The following LRRC4C variants were observed in gnomAD, a reference collection of about 807,000 sequenced individuals.
LRRC4C encodes the protein leucine rich repeat containing 4C.
A neutral mutation model predicts 33.6 loss-of-function variants in LRRC4C; 5 were observed. The ratio of observed to expected loss-of-function variants is 0.15; its 90% CI spans 0.08 to 0.31. LRRC4C has a LOEUF of 0.31. LRRC4C is among the 10% of genes least tolerant of loss of function. The pLI is 1.00. For missense variants in LRRC4C, 560 were observed against 796.7 expected (o/e 0.70, Z 3.58); for synonymous variants, 329 against 302.0 (o/e 1.09, Z -0.93).
At position 40,562,725 on chromosome 11, in the gene LRRC4C, C is replaced by T. The variant is rs554536382; in HGVS notation, c.-270+85417G>A. Among the ~76,000 whole-genome samples the T allele has an allele frequency of 3.3e-5, 5 of 152,302 alleles. No homozygotes were observed. The East Asian group carries it at 9.7e-4, about 29-fold the overall frequency. On this transcript the variant is annotated intron_variant, in intron 3 of 6. Transcript: ENST00000528697. ...CCCCCAGCTGCTGCAACTTCAGACC[C>T]TCTGCAGAGTTCACACTGACTATGA...
At chr11:40,893,386 G>A (rs1301665371) in intron 2 of LRRC4C, among the ~76,000 whole-genome samples, 2 of 152,048 alleles carry the variant, frequency 1.3e-5, no homozygotes, top group South Asian at 2.1e-4. Flanking sequence ...CAATTGGAAA[G>A]TTCATAACAC....
intron 1 of LRRC4C, among the ~76,000 whole-genome samples, chr11:40,957,021 C>G (rs1958988330): frequency 6.6e-6 from 1 of 151,730 alleles, no homozygotes; most frequent in Non-Finnish European, 1.5e-5. Context: ...AAATTCTGAG[C>G]ACATCCAGAA....
intron 1 of LRRC4C, among the ~76,000 whole-genome samples, chr11:41,157,994 T>C (rs922072962): frequency 1.3e-5 from 2 of 152,108 alleles, no homozygotes; most frequent in Non-Finnish European, 2.9e-5. Flanking sequence ...TCTTATTCAT[T>C]CATTTATTTT....
chr11:40,329,737 C>CTTTTT (rs199598860), intron 3 of LRRC4C, among the ~76,000 whole-genome samples: 7 of 120,412 alleles, frequency 5.8e-5, no homozygotes, highest in African/African-American at 1.3e-4. Flanking sequence ...CTTTCTTTTT[C>CTTTTT]TTTTTTTTTT....
intron 5 of LRRC4C, among the ~76,000 whole-genome samples, chr11:40,143,669 A>G (rs1857526580): frequency 6.6e-6 from 1 of 152,114 alleles, no homozygotes; most frequent in African/African-American, 2.4e-5. Flanking sequence ...CTGCTCAGAG[A>G]GGTCTTCCCT....
chr11:41,065,203 C>T (rs1938136418), intron 1 of LRRC4C, among the ~76,000 whole-genome samples: 1 of 143,914 alleles, frequency 6.9e-6, no homozygotes, highest in Admixed American at 7.3e-5. Flanking sequence ...CACCCGGGAA[C>T]AGGTTTGGTG....
chr11:40,820,882 A>C (rs1334687746), intron 2 of LRRC4C, among the ~76,000 whole-genome samples: 3 of 151,804 alleles, frequency 2.0e-5, no homozygotes, highest in Non-Finnish European at 4.4e-5. Context: ...TTGCAGACAA[A>C]ATAATCTTGT....
intron 2 of LRRC4C, among the ~76,000 whole-genome samples, chr11:40,827,218 A>G (rs1037388639): frequency 4.0e-5 from 6 of 151,886 alleles, no homozygotes; most frequent in Non-Finnish European, 8.8e-5. Context: ...GAATCTGCTT[A>G]AATCCATTTT....
intron 2 of LRRC4C, among the ~76,000 whole-genome samples, chr11:40,815,637 A>T (rs1235726928): frequency 6.6e-6 from 1 of 152,046 alleles, no homozygotes; most frequent in Non-Finnish European, 1.5e-5. Context: ...CCATGAGCTG[A>T]TAATTTATGG....
Position 41,027,917 on chromosome 11 carries a change from A to C in LRRC4C, c.-495-94194T>G, listed in dbSNP as rs147876682. On this transcript the variant is annotated intron_variant, in intron 1 of 6. Coordinates refer to ENST00000528697, the MANE Select transcript of LRRC4C (RefSeq NM_001258419.2). The stretch of plus-strand genomic sequence containing the variant: ...CACTGGAATGGTGTTTTTAATCTAC[A>C]GTGTATAAAAATTAAAGTATTAATT... 1.4e-4 allele frequency among the ~76,000 whole-genome samples: 21 copies of C among 151,772 alleles called. No homozygotes were observed. The East Asian group carries it at 3.7e-3, about 27-fold the overall frequency.
At chr11:41,256,987 G>A (rs188986929) in intron 1 of LRRC4C, among the ~76,000 whole-genome samples, 13 of 152,034 alleles carry the variant, frequency 8.6e-5, no homozygotes, top group African/African-American at 2.6e-4. Flanking sequence ...TCATTAAGAA[G>A]CTTGATAGAA....
At chr11:40,682,034 A>T (rs1207717797) in intron 2 of LRRC4C, among the ~76,000 whole-genome samples, 1 of 152,250 alleles carries the variant, frequency 6.6e-6, no homozygotes, top group South Asian at 2.1e-4. Flanking sequence ...GCTCTCACAA[A>T]TCTCCACTAA....
chr11:40,780,052 A>C (rs1950156714), intron 2 of LRRC4C, among the ~76,000 whole-genome samples: 1 of 152,168 alleles, frequency 6.6e-6, no homozygotes, highest in Non-Finnish European at 1.5e-5. Flanking sequence ...TTAAAATAAG[A>C]CTTAAATAGT....
intron 4 of LRRC4C, among the ~76,000 whole-genome samples, chr11:40,314,049 G>A (rs1945458936): frequency 6.6e-6 from 1 of 151,862 alleles, no homozygotes; most frequent in Non-Finnish European, 1.5e-5. Context: ...AGGAAACAAT[G>A]AACAGAATGA....
chr11:41,437,650 C>G (rs932575223), intron 1 of LRRC4C, among the ~76,000 whole-genome samples: 10 of 152,180 alleles, frequency 6.6e-5, no homozygotes, highest in Admixed American at 6.5e-4. Flanking sequence ...TCCTTATTCA[C>G]TCATTACATC....
intron 3 of LRRC4C, among the ~76,000 whole-genome samples, chr11:40,343,298 C>T (rs1322788246): frequency 6.6e-6 from 1 of 151,938 alleles, no homozygotes; most frequent in Non-Finnish European, 1.5e-5. Flanking sequence ...AAGCAAATTA[C>T]TTGACATCTG....
chr11:40,697,559 T>C (rs1470360950), intron 2 of LRRC4C, among the ~76,000 whole-genome samples: 1 of 152,184 alleles, frequency 6.6e-6, no homozygotes, highest in Non-Finnish European at 1.5e-5. Flanking sequence ...TGATGCTACA[T>C]ATGGATCTGA....
At chr11:41,070,580 C>A (rs1938605239) in intron 1 of LRRC4C, among the ~76,000 whole-genome samples, 1 of 151,716 alleles carries the variant, frequency 6.6e-6, no homozygotes, top group Admixed American at 6.6e-5. Context: ...ATAACAACAA[C>A]AACAAACCAT....
At chr11:40,932,169 G>T (rs1957657452) in intron 2 of LRRC4C, among the ~76,000 whole-genome samples, 1 of 152,126 alleles carries the variant, frequency 6.6e-6, no homozygotes, top group Admixed American at 6.6e-5. Context: ...GGTTATCTTG[G>T]TGAGAGTAAT....
Sources: gnomAD v4.1 joint callset for allele counts (sites outside exome capture counted in the v4.1 genomes callset) on GRCh38, gnomAD v4.1.1 for gene constraint, MANE v1.5 for transcripts, NCBI Gene and HGNC (gene_info 2026-07-23, HGNC 2026-07-21) for gene names.